Variants in C1QB observed in about 807,000 individuals in gnomAD.
C1QB encodes the protein complement C1q B chain, also known as complement C1q subcomponent subunit B.
Under a neutral mutation model 4.6 loss-of-function variants are expected in C1QB, and 2 were observed. That is an observed-to-expected ratio of 0.43 (90% confidence interval 0.18 to 1.36). The LOEUF is 1.36. Among genes scored for constraint, C1QB ranks in the 40% most tolerant of loss-of-function variants. The probability of loss-of-function intolerance (pLI) is 0.28; values close to 1 mark genes in which losing one functional copy is unlikely to be tolerated. For missense variants in C1QB, 292 were observed against 338.0 expected, an observed-to-expected ratio of 0.86 and a Z score of 1.07; for synonymous variants, 132 against 137.1, an observed-to-expected ratio of 0.96 and a Z score of 0.26.
At chr1:22,657,894 A>T (rs1056918283) in intron 1 of C1QB, among the ~76,000 whole-genome samples, 1 of 152,170 alleles carries the variant, frequency 6.6e-6, no homozygotes, top group African/African-American at 2.4e-5. Context: ...TTTGGGATTA[A>T]AAAGGGGCCA....
intron 1 of C1QB, chr1:22,653,993 T>A (rs1023463500): frequency 6.6e-6 from 1 of 152,346 alleles, no homozygotes; most frequent in East Asian, 1.9e-4. Flanking sequence ...CCTTCTCCTG[T>A]CATCCTTCTG....
intron 1 of C1QB, among the ~76,000 whole-genome samples, chr1:22,657,188 C>G (rs1416989146): frequency 6.6e-6 from 1 of 152,138 alleles, no homozygotes; most frequent in African/African-American, 2.4e-5. Context: ...TGAGAGTAGA[C>G]CCTCTAAGCC....
At chr1:22,658,541 C>T (rs1570096369) in intron 1 of C1QB, among the ~76,000 whole-genome samples, 1 of 152,246 alleles carries the variant, frequency 6.6e-6, no homozygotes, top group Non-Finnish European at 1.5e-5. Context: ...TTATGCTGAC[C>T]CATTTATATC....
At chr1:22,658,789 A>AGGAT (rs749531414) in intron 1 of C1QB, among the ~76,000 whole-genome samples, 27 of 148,326 alleles carry the variant, frequency 1.8e-4, no homozygotes, top group African/African-American at 3.5e-4. Flanking sequence ...CAGGGGCAGA[A>AGGAT]GGATGGATGG....
intron 1 of C1QB, among the ~76,000 whole-genome samples, chr1:22,658,920 T>G: frequency 1.2e-5 from 1 of 82,908 alleles, no homozygotes; most frequent in South Asian, 3.9e-4. Flanking sequence ...GATGCAGGGA[T>G]GGAGGGGTAG....
At chr1:22,655,358 T>C (rs1303219115) in intron 1 of C1QB, among the ~76,000 whole-genome samples, 1 of 152,146 alleles carries the variant, frequency 6.6e-6, no homozygotes, top group Non-Finnish European at 1.5e-5. Flanking sequence ...TTCCTTTCCT[T>C]GGTGCACAGT....
chr1:22,653,644 C>T (rs1246529602), intron 1 of C1QB, among the ~76,000 whole-genome samples: 1 of 152,154 alleles, frequency 6.6e-6, no homozygotes, highest in East Asian at 1.9e-4. Context: ...CCCGGCCCCC[C>T]TACAGAGAAC....
chr1:22,658,492 C>T (rs1244092035), intron 1 of C1QB, among the ~76,000 whole-genome samples: 9 of 152,226 alleles, frequency 5.9e-5, no homozygotes, highest in Non-Finnish European at 8.8e-5. Flanking sequence ...CTCTTTCTTT[C>T]AGAGCACCAA....
chr1:22,660,991 G>T lies in C1QB; in HGVS notation c.361G>T (p.Ala121Ser). 9 of 1,613,864 alleles carry T rather than the reference G, an allele frequency of 5.6e-6. No individual in the cohort carries two copies. The highest frequency in any genetic ancestry group is 7.6e-6 in the Non-Finnish European group (9 of 1,179,956). The change falls in exon 3 of 3, where the codon GCC becomes TCC. Residue 121 changes from alanine (A) to serine (S), a missense_variant. Transcript: ENST00000509305. ...SGDYKATQKI[A>S]FSATRTINVP... ...AGACTACAAGGCCACCCAGAAAATC[G>T]CCTTCTCTGCCACAAGAACCATCAA... is the stretch of plus-strand genomic sequence containing the variant.
rs200910322 is a variant in C1QB, at chr1:22,661,181, G to A, written c.551G>A (p.Arg184His). The A allele has an allele frequency of 7.5e-5, 121 of 1,614,104 alleles. No individual in the cohort carries two copies. Among genetic ancestry groups the A allele is most frequent in the East Asian group, 2.7e-4 (12 of 44,854 alleles). ...GGGAACCTGTGCGTGAACCTCATGC[G>A]TGGCCGGGAGCGTGCACAGAAGGTG... ...SRGNLCVNLMRGRERAQKVVT... is the reference protein window; with the variant it reads ...SRGNLCVNLMHGRERAQKVVT... Residue 184 changes from arginine to histidine, a missense_variant, in exon 3 of 3, where the codon CGT becomes CAT. By Grantham distance (29) the Arg-to-His change is conservative (BLOSUM62 0). Transcript: ENST00000509305.
chr1:22,661,027 C>A lies in C1QB; in HGVS notation c.397C>A (p.Arg133Ser). 9 of 1,614,034 alleles carry A rather than the reference C, an allele frequency of 5.6e-6. No homozygotes were observed. Among genetic ancestry groups the A allele is most frequent in the Non-Finnish European group, 7.6e-6 (9 of 1,179,982 alleles). ...CACAAGAACCATCAACGTCCCCCTG[C>A]GCCGGGACCAGACCATCCGCTTCGA... Reference protein sequence around the residue: ...SATRTINVPLRRDQTIRFDHV... With the variant: ...SATRTINVPLSRDQTIRFDHV... Residue 133 changes from arginine to serine, a missense_variant, in exon 3 of 3, where the codon CGC (arginine) becomes AGC (serine). By Grantham distance (110) the Arg-to-Ser change is moderately radical. Coordinates refer to ENST00000509305, the MANE Select transcript of C1QB (RefSeq NM_001378156.1).
At chr1:22,655,230 G>A (rs944388105) in intron 1 of C1QB, among the ~76,000 whole-genome samples, 1 of 152,198 alleles carries the variant, frequency 6.6e-6, no homozygotes, top group Non-Finnish European at 1.5e-5. Flanking sequence ...AGTGAGAGCT[G>A]ATGCTTATTC....
At chr1:22,655,729 G>T (rs552001295) in intron 1 of C1QB, among the ~76,000 whole-genome samples, 3 of 152,286 alleles carry the variant, frequency 2.0e-5, no homozygotes, top group Non-Finnish European at 2.9e-5. Context: ...CCCAATGAGA[G>T]CTTGGGGCTC....
chr1:22,656,144 G>A (rs1472978543), intron 1 of C1QB, among the ~76,000 whole-genome samples: 3 of 152,308 alleles, frequency 2.0e-5, no homozygotes, highest in African/African-American at 4.8e-5. Flanking sequence ...AGGGGAGTGC[G>A]TTGAGGCACC....
chr1:22,654,349 C>G (rs987607448), intron 1 of C1QB, among the ~76,000 whole-genome samples: 2 of 152,080 alleles, frequency 1.3e-5, no homozygotes, highest in African/African-American at 2.4e-5. Flanking sequence ...AAGCCCAAGT[C>G]CTGTCAGTAC....
chr1:22,657,183 G>A (rs1010154610), intron 1 of C1QB, among the ~76,000 whole-genome samples: 5 of 152,144 alleles, frequency 3.3e-5, no homozygotes, highest in African/African-American at 1.2e-4. Flanking sequence ...GGGGCTGAGA[G>A]TAGACCCTCT....
intron 2 of C1QB, among the ~76,000 whole-genome samples, chr1:22,660,375 C>A (rs2148305684): frequency 6.6e-6 from 1 of 152,228 alleles, no homozygotes; most frequent in Non-Finnish European, 1.5e-5. Context: ...TTGTGCCAAA[C>A]CAAGGGGTAG....
chr1:22,659,401 T>C, intron 1 of C1QB, 39 bp from the exon 2 acceptor site: 1 of 1,561,276 alleles, frequency 6.4e-7, no homozygotes, highest in African/African-American at 1.4e-5. Flanking sequence ...GATGATAGGA[T>C]CACCACGGTG....
At chr1:22,659,815 G>C (rs1642593846) in intron 2 of C1QB, among the ~76,000 whole-genome samples, 172 bp downstream of exon 2, 1 of 152,194 alleles carries the variant, frequency 6.6e-6, no homozygotes, top group African/African-American at 2.4e-5. Flanking sequence ...ATTTTACAGA[G>C]AGGAAAACTA....
Sources: gnomAD v4.1 joint callset for allele counts (sites outside exome capture counted in the v4.1 genomes callset) on GRCh38, gnomAD v4.1.1 for gene constraint, MANE v1.5 for transcripts, NCBI Gene and HGNC (gene_info 2026-07-23, HGNC 2026-07-21) for gene names.